FANCC: variants seen among roughly 807,000 people sequenced by gnomAD.
The protein encoded by FANCC is Fanconi anemia group C protein.
In FANCC, 55 loss-of-function variants were observed where a neutral mutation model predicts 71.3. The ratio of observed to expected loss-of-function variants is 0.77; its 90% confidence interval spans 0.62 to 0.97. The LOEUF (loss-of-function observed/expected upper bound fraction) is 0.97, where lower values mean the gene tolerates loss of function less well. Among genes scored for constraint, FANCC ranks in the 50% least tolerant of loss-of-function variants. The pLI is 0.00. For missense variants in FANCC, 678 were observed against 670.9 expected (o/e 1.01, Z -0.12); for synonymous variants, 275 against 244.9 (o/e 1.12, Z -1.15).
At chr9:95,118,726 G>T (rs745539584) in intron 10 of FANCC, among the ~76,000 whole-genome samples, 11 of 152,190 alleles carry the variant, frequency 7.2e-5, no homozygotes, top group Non-Finnish European at 1.6e-4. Context: ...ATTAAGCCAC[G>T]TTATTGTGTG....
intron 1 of FANCC, among the ~76,000 whole-genome samples, chr9:95,291,993 T>TATATA (rs1834048581): frequency 4.0e-5 from 5 of 124,470 alleles, no homozygotes; most frequent in East Asian, 4.4e-4. Context: ...TATATATATA[T>TATATA]TAAGACCCCA....
chr9:95,254,936 CCT>C (rs1391899673), intron 1 of FANCC, among the ~76,000 whole-genome samples: 3 of 152,236 alleles, frequency 2.0e-5, no homozygotes, highest in South Asian at 2.1e-4. Flanking sequence ...GCGGTTCTCC[CCT>C]GACAGCGTAA....
intron 6 of FANCC, among the ~76,000 whole-genome samples, chr9:95,155,004 G>C (rs1830375462): frequency 6.6e-6 from 1 of 151,360 alleles, no homozygotes; most frequent in Non-Finnish European, 1.5e-5. Context: ...CCAGGAGTTT[G>C]AGATAAGCCT....
chr9:95,110,996 T>C, intron 13 of FANCC: 5 of 1,425,848 alleles, frequency 3.5e-6, no homozygotes, highest in Non-Finnish European at 1.8e-6. Context: ...AAGCCAGTAA[T>C]GTGAGGATCT....
intron 3 of FANCC, among the ~76,000 whole-genome samples, chr9:95,246,363 C>T (rs4647422): frequency 6.6e-5 from 10 of 152,286 alleles, no homozygotes; most frequent in African/African-American, 9.6e-5. Flanking sequence ...GCCTAGTTCA[C>T]GTCTCTTCCA....
intron 4 of FANCC, among the ~76,000 whole-genome samples, chr9:95,187,890 G>A (rs544399782): frequency 6.6e-6 from 1 of 152,142 alleles, no homozygotes; most frequent in East Asian, 1.9e-4. Flanking sequence ...GAGGTAGAAC[G>A]CTTTCAGGAT....
intron 4 of FANCC, among the ~76,000 whole-genome samples, chr9:95,203,640 A>G (rs879117705): frequency 1.3e-5 from 2 of 152,196 alleles, no homozygotes; most frequent in African/African-American, 2.4e-5. Context: ...ATCAAGCCTC[A>G]GAAAAATTTA....
At position 95,309,526 on chromosome 9, in the gene FANCC, T is replaced by C. The variant is rs532743032; in HGVS notation, c.-79+8000A>G. ...AAGGTCATGTTTGGGTACACCAAAT[T>C]CAGAAAGCTAGGGCTAAATATAACT... On this transcript the variant is annotated intron_variant, in intron 1 of 14. Coordinates refer to ENST00000289081, the MANE Select transcript of FANCC (RefSeq NM_000136.3). 1.1e-4 allele frequency among the ~76,000 whole-genome samples: 16 copies of C among 152,292 alleles called. No individual in the cohort carries two copies. The South Asian group carries it at 3.3e-3, about 32-fold the overall frequency.
chr9:95,130,515 A>G (rs1464410788), intron 8 of FANCC, among the ~76,000 whole-genome samples: 1 of 152,248 alleles, frequency 6.6e-6, no homozygotes, highest in Non-Finnish European at 1.5e-5. Context: ...AGAAGGAAAT[A>G]GCAGATGACA....
chr9:95,316,805 TAA>T lies in FANCC; in HGVS notation c.-79+719_-79+720del, dbSNP rs1156863824. The T allele has an allele frequency of 8.5e-5, 13 of 152,236 alleles. No homozygotes were observed. In the South Asian group the frequency reaches 1.0e-3, roughly 12 times the overall value. The allele number at this position is 152,236 out of a possible 1,614,324, so 9.4% of individuals were successfully genotyped here. A position where few individuals can be genotyped will look rare whatever the true frequency, so the allele number is the denominator to read the frequency against. On this transcript the variant is annotated intron_variant, in intron 1 of 14. Coordinates refer to ENST00000289081, the MANE Select transcript of FANCC (RefSeq NM_000136.3). ...TTGTAAACGCACCCACCTAAAAAAT[TAA>T]AAAGAGCAAACCAACAAACAGCACC...
intron 1 of FANCC, among the ~76,000 whole-genome samples, chr9:95,309,029 A>G (rs569207779): frequency 2.0e-4 from 30 of 152,270 alleles, no homozygotes; most frequent in South Asian, 8.3e-4. Context: ...AGATATTTGT[A>G]TTGCACTTTT....
chr9:95,280,323 A>G (rs902673338), intron 1 of FANCC, among the ~76,000 whole-genome samples: 4 of 152,204 alleles, frequency 2.6e-5, no homozygotes, highest in Non-Finnish European at 5.9e-5. Flanking sequence ...TTGAATATTA[A>G]TCGCTGGAGA....
intron 10 of FANCC, chr9:95,123,638 A>G (rs767544306): frequency 6.5e-6 from 4 of 614,436 alleles, no homozygotes; most frequent in South Asian, 5.5e-5. Context: ...TAACAAATTC[A>G]TCATTGGAAA....
chr9:95,108,544 G>A (rs889334517), intron 13 of FANCC, among the ~76,000 whole-genome samples: 7 of 152,166 alleles, frequency 4.6e-5, no homozygotes, highest in African/African-American at 7.2e-5. Flanking sequence ...TTCAGAGGCC[G>A]TCCATGCTCA....
At chr9:95,115,850 TAC>T (rs1167292957) in intron 11 of FANCC, among the ~76,000 whole-genome samples, 1 of 152,218 alleles carries the variant, frequency 6.6e-6, no homozygotes, top group African/African-American at 2.4e-5. Context: ...TTGTAGTGTC[TAC>T]ACAGTCAGGG....
At chr9:95,209,068 A>T (rs550057171) in intron 4 of FANCC, among the ~76,000 whole-genome samples, 1 of 152,324 alleles carries the variant, frequency 6.6e-6, no homozygotes, top group African/African-American at 2.4e-5. Flanking sequence ...ATGGAATGTT[A>T]TTTTGCACTT....
Position 95,292,869 on chromosome 9 carries a change from G to C in FANCC, c.-79+24657C>G, listed in dbSNP as rs1390939012. The C allele has an allele frequency of 5.0e-6, 8 of 1,584,914 alleles. No homozygotes were observed. In the East Asian group the frequency reaches 1.6e-4, roughly 31 times the overall value. Reference sequence around the variant, plus strand: ...CAGCAATTCGTACGGTACAGAATGGGACCTGAAAAGACTTGCAGAGGACTG... The same window carrying C: ...CAGCAATTCGTACGGTACAGAATGGCACCTGAAAAGACTTGCAGAGGACTG... On this transcript the variant is annotated intron_variant, in intron 1 of 14. Transcript: ENST00000289081.
At chr9:95,151,054 G>A (rs1288133184) in intron 6 of FANCC, among the ~76,000 whole-genome samples, 1 of 152,202 alleles carries the variant, frequency 6.6e-6, no homozygotes, top group Non-Finnish European at 1.5e-5. Flanking sequence ...GTACCGAACA[G>A]TGCACATTTA....
chr9:95,186,395 C>G (rs183635127), intron 4 of FANCC: 1 of 152,322 alleles, frequency 6.6e-6, no homozygotes, highest in African/African-American at 2.4e-5. Flanking sequence ...GTTGTGACAA[C>G]CACACGTCCC....
Sources: gnomAD v4.1 joint callset for allele counts (sites outside exome capture counted in the v4.1 genomes callset) on GRCh38, gnomAD v4.1.1 for gene constraint, MANE v1.5 for transcripts, NCBI Gene and HGNC (gene_info 2026-07-23, HGNC 2026-07-21) for gene names.